Variants in ST13 observed in about 807,000 individuals in gnomAD.
The protein encoded by ST13 is hsc70-interacting protein.
ST13 carries 23 observed loss-of-function variants against 56.7 expected under a neutral mutation model. That is an observed-to-expected ratio of 0.41 (90% CI 0.29 to 0.57). ST13 has a LOEUF of 0.57. Ranked by LOEUF, ST13 falls within the 20% of genes least tolerant of loss-of-function variation. ST13 has a pLI of 0.36. For synonymous variants in ST13, 132 were observed against 142.4 expected, an observed-to-expected ratio of 0.93 and a Z score of 0.52; for missense variants, 369 against 459.9, an observed-to-expected ratio of 0.80 and a Z score of 1.81.
chr22:40,846,374 C>A lies in ST13; in HGVS notation c.245-1465G>T, dbSNP rs1457030577. On this transcript the variant is annotated intron_variant, in intron 3 of 11. Transcript: ENST00000216218. ...GAACACTGAAGATCCAGTCTCTTAACAAATTTCAAGTATACAGTATTATAG... is the reference window on the plus strand; with the variant it reads ...GAACACTGAAGATCCAGTCTCTTAAAAAATTTCAAGTATACAGTATTATAG... 2.0e-5 allele frequency among the ~76,000 whole-genome samples: 3 copies of A among 152,166 alleles called. No homozygotes were observed. The East Asian group carries it at 5.8e-4, about 29-fold the overall frequency.
At chr22:40,832,823 T>A (rs530179145) in intron 7 of ST13, 152 bp from the exon 8 acceptor site, 3 of 615,058 alleles carry the variant, frequency 4.9e-6, no homozygotes, top group Non-Finnish European at 8.5e-6. Context: ...AATTACTATA[T>A]CCCATTTTAG....
chr22:40,849,057 C>A (rs1168214812), intron 2 of ST13, among the ~76,000 whole-genome samples: 1 of 152,174 alleles, frequency 6.6e-6, no homozygotes, highest in African/African-American at 2.4e-5. Flanking sequence ...ACAACTCTAT[C>A]CTTTGCCTTT....
At chr22:40,848,992 T>C (rs972572878) in intron 2 of ST13, among the ~76,000 whole-genome samples, 45 of 152,348 alleles carry the variant, frequency 3.0e-4, no homozygotes, top group African/African-American at 1.1e-3. Flanking sequence ...ATCCTATAAA[T>C]AACCAGTGTG....
intron 2 of ST13, among the ~76,000 whole-genome samples, chr22:40,848,655 A>T (rs1302091811): frequency 1.3e-5 from 2 of 152,166 alleles, no homozygotes; most frequent in Non-Finnish European, 2.9e-5. Context: ...AGGCAGGACA[A>T]TCACTTGAAC....
At chr22:40,839,288 A>G (rs566069540) in intron 5 of ST13, among the ~76,000 whole-genome samples, 1 of 152,316 alleles carries the variant, frequency 6.6e-6, no homozygotes, top group South Asian at 2.1e-4. Flanking sequence ...AACTTCAATC[A>G]TCTTCTAAAT....
chr22:40,843,760 T>C (rs1200342994), intron 4 of ST13, among the ~76,000 whole-genome samples: 1 of 151,428 alleles, frequency 6.6e-6, no homozygotes, highest in Non-Finnish European at 1.5e-5. Flanking sequence ...TGAAATGAAA[T>C]ACAAAGCAGT....
chr22:40,835,190 A>G (rs2057771432), intron 7 of ST13, among the ~76,000 whole-genome samples: 1 of 152,210 alleles, frequency 6.6e-6, no homozygotes, highest in South Asian at 2.1e-4. Context: ...AAAGTAAGAG[A>G]AAATTTGTAA....
intron 10 of ST13, among the ~76,000 whole-genome samples, chr22:40,828,552 G>GC (rs2057739585): frequency 1.3e-5 from 2 of 151,864 alleles, no homozygotes; most frequent in Non-Finnish European, 2.9e-5. Context: ...GGCGGAGCTT[G>GC]CAGTGAGCCA....
chr22:40,835,709 G>C lies in ST13; in HGVS notation c.468-39C>G, dbSNP rs778206600. 7 of 1,602,822 alleles carry C rather than the reference G, an allele frequency of 4.4e-6. No individual in the cohort carries two copies. The African/African-American group carries it at 6.7e-5, about 15-fold the overall frequency. On this transcript the variant is annotated intron_variant, in intron 6 of 11. Transcript: ENST00000216218. ...GTGTTATTAAAAAGTATTCATTTCA[G>C]TAAAAGTTTTGGGATCAACACAGAA...
chr22:40,835,272 G>T, intron 7 of ST13: 2 of 222,766 alleles, frequency 9.0e-6, no homozygotes, highest in South Asian at 8.8e-5. Flanking sequence ...CTTATATTTG[G>T]CCATATGTAG....
intron 1 of ST13, among the ~76,000 whole-genome samples, chr22:40,856,033 G>A (rs2057892065): frequency 6.6e-6 from 1 of 152,096 alleles, no homozygotes; most frequent in African/African-American, 2.4e-5. Flanking sequence ...ACGACGTAAA[G>A]GAATAGTGCG....
At chr22:40,848,418 A>T in intron 2 of ST13, 49 bp from the exon 3 acceptor site, 2 of 1,214,472 alleles carry the variant, frequency 1.6e-6, no homozygotes, top group Non-Finnish European at 2.4e-6. Flanking sequence ...TAACATACCG[A>T]ATATTTATAC....
At chr22:40,834,097 G>A (rs1251973289) in intron 7 of ST13, among the ~76,000 whole-genome samples, 5 of 152,018 alleles carry the variant, frequency 3.3e-5, no homozygotes, top group Admixed American at 6.6e-5. Flanking sequence ...GCTAATAGGC[G>A]AAACCCCCTC....
Position 40,844,841 on chromosome 22 carries a change from C to G in ST13, c.313G>C (p.Glu105Gln), listed in dbSNP as rs1238829868. 2 of 1,612,954 alleles carry G rather than the reference C, an allele frequency of 1.2e-6. No homozygotes were observed. The highest frequency in any genetic ancestry group is 1.7e-6 in the Non-Finnish European group (2 of 1,179,182). Reference protein sequence around the residue: ...APQEMGDENAEITEEMMDQAN... With the variant: ...APQEMGDENAQITEEMMDQAN... ...GGAAATCAAGTCACCGAACTTACCT[C>G]CGCATTTTCATCTCCCATTTCTTGA... The change falls in exon 4 of 12, where the codon GAG becomes CAG. Residue 105 changes from glutamate (E) to glutamine (Q), a missense_variant and splice_region_variant. This residue lies in a region of ST13 where 169 missense variants were observed against 175.6 expected (regional missense o/e 0.96). Coordinates refer to ENST00000216218, the MANE Select transcript of ST13 (RefSeq NM_003932.5).
At chr22:40,850,745 G>A (rs990131900) in intron 2 of ST13, 78 bp downstream of exon 2, 29 of 1,038,670 alleles carry the variant, frequency 2.8e-5, no homozygotes, top group Non-Finnish European at 4.1e-5. Context: ...GATAACTGGA[G>A]AGCAGCAGTT....
At chr22:40,850,206 C>T (rs1480356654) in intron 2 of ST13, among the ~76,000 whole-genome samples, 2 of 152,120 alleles carry the variant, frequency 1.3e-5, no homozygotes, top group East Asian at 1.9e-4. Context: ...TGCAGTGAGC[C>T]GAGATTGTAC....
intron 2 of ST13, among the ~76,000 whole-genome samples, chr22:40,849,988 G>C (rs1468049707): frequency 6.6e-6 from 1 of 151,908 alleles, no homozygotes; most frequent in Non-Finnish European, 1.5e-5. Context: ...TTCTGGGCCA[G>C]GCATGGTGGC....
chr22:40,839,719 G>A (rs2057793903), intron 5 of ST13, among the ~76,000 whole-genome samples: 1 of 151,016 alleles, frequency 6.6e-6, no homozygotes, highest in Non-Finnish European at 1.5e-5. Context: ...CCGAGATCAC[G>A]CCACTGCATT....
At chr22:40,830,315 C>T (rs985209305) in intron 9 of ST13, among the ~76,000 whole-genome samples, 3 of 152,054 alleles carry the variant, frequency 2.0e-5, no homozygotes, top group Non-Finnish European at 4.4e-5. Flanking sequence ...TTCTTTCATT[C>T]AATAATGTTA....
Sources: allele counts gnomAD v4.1 joint callset (sites outside exome capture counted in the v4.1 genomes callset), GRCh38; gene constraint gnomAD v4.1.1; regional missense constraint gnomAD v4.1.1; transcripts MANE v1.5; gene names NCBI Gene and HGNC (gene_info 2026-07-23, HGNC 2026-07-21).